Variants in MACROD2 observed in about 807,000 individuals in gnomAD.
MACROD2 encodes mono-ADP ribosylhydrolase 2.
In MACROD2, 36 loss-of-function variants were observed where a neutral mutation model predicts 70.4. The observed-to-expected ratio is 0.51, with a 90% CI of 0.39 to 0.68. The LOEUF (loss-of-function observed/expected upper bound fraction) is 0.68, where lower values mean the gene tolerates loss of function less well. Ranked by LOEUF, MACROD2 falls within the 30% of genes least tolerant of loss-of-function variation. The probability of loss-of-function intolerance (pLI) is 0.00; values close to 1 mark genes in which losing one functional copy is unlikely to be tolerated. For synonymous variants in MACROD2, 172 were observed against 178.8 expected, an observed-to-expected ratio of 0.96 and a Z score of 0.30; for missense variants, 496 against 538.4, an observed-to-expected ratio of 0.92 and a Z score of 0.78.
chr20:14,052,978 T>A (rs2053587594), intron 2 of MACROD2: 1 of 151,872 alleles, frequency 6.6e-6, no homozygotes, highest in African/African-American at 2.4e-5. Flanking sequence ...GTAAGTGAAA[T>A]GAAACCATAT....
rs1057332854 is a variant in MACROD2 at position 16,051,527 on chromosome 20, C to G, written c.*1651C>G. ...AAAATCAAGACATCAGCAAGAATGA[C>G]ATTTACGTGACCTCATAATGTGGGA... is the stretch of plus-strand genomic sequence containing the variant. On this transcript the variant is annotated 3_prime_UTR_variant, in exon 18 of 18. Transcript: ENST00000684519. 1 of 152,162 alleles carries G rather than the reference C, an allele frequency of 6.6e-6. No individual in the cohort carries two copies. Among genetic ancestry groups the G allele is most frequent in the Non-Finnish European group, 1.5e-5 (1 of 68,038 alleles). The allele number at this position is 152,162 out of a possible 1,614,324, so 9.4% of individuals were successfully genotyped here.
chr20:15,661,399 A>C (rs35604225), intron 8 of MACROD2, among the ~76,000 whole-genome samples: 2 of 152,212 alleles, frequency 1.3e-5, no homozygotes, highest in Admixed American at 6.5e-5. Flanking sequence ...GGAAGCAGGC[A>C]TATGAAAAGA....
chr20:15,344,741 A>T (rs2078146303), intron 6 of MACROD2, among the ~76,000 whole-genome samples: 1 of 152,162 alleles, frequency 6.6e-6, no homozygotes, highest in African/African-American at 2.4e-5. Context: ...GTGTTAATGG[A>T]TCCAAGATGT....
At chr20:14,959,608 A>G (rs1349267366) in intron 5 of MACROD2, among the ~76,000 whole-genome samples, 1 of 152,212 alleles carries the variant, frequency 6.6e-6, no homozygotes, top group Non-Finnish European at 1.5e-5. Context: ...TTGCAATGCC[A>G]TAAAGATGTA....
chr20:14,425,085 A>C (rs946906019), intron 3 of MACROD2, among the ~76,000 whole-genome samples: 1 of 152,178 alleles, frequency 6.6e-6, no homozygotes, highest in Admixed American at 6.5e-5. Flanking sequence ...ATTTATACCT[A>C]ATGTTTACCT....
At chr20:15,748,336 G>A (rs1174986280) in intron 8 of MACROD2, among the ~76,000 whole-genome samples, 1 of 151,476 alleles carries the variant, frequency 6.6e-6, no homozygotes, top group Admixed American at 6.6e-5. Flanking sequence ...AATCGCTCAA[G>A]AAATTTTCCT....
intron 9 of MACROD2, among the ~76,000 whole-genome samples, chr20:15,884,989 A>C (rs1465310456): frequency 6.6e-6 from 1 of 151,980 alleles, no homozygotes; most frequent in Non-Finnish European, 1.5e-5. Context: ...CTTTCTTATG[A>C]TCTAATCAAC....
chr20:15,667,269 C>T (rs1468029587), intron 8 of MACROD2, among the ~76,000 whole-genome samples: 1 of 152,100 alleles, frequency 6.6e-6, no homozygotes, highest in Non-Finnish European at 1.5e-5. Context: ...CTGCTTTCTC[C>T]ATATGATGTG....
intron 6 of MACROD2, among the ~76,000 whole-genome samples, chr20:15,354,272 T>C (rs1312005940): frequency 6.6e-6 from 1 of 151,980 alleles, no homozygotes; most frequent in Non-Finnish European, 1.5e-5. Flanking sequence ...ACACCACACG[T>C]TCTCACTCTT....
At position 14,926,544 on chromosome 20, in the gene MACROD2, G is replaced by A. The variant is rs142253581; in HGVS notation, c.418+241585G>A. Among the ~76,000 whole-genome samples the A allele has an allele frequency of 2.4e-4, 33 of 137,698 alleles. No individual in the cohort carries two copies. In the East Asian group the frequency reaches 2.5e-3, roughly 11 times the overall value. The allele number at this position is 137,698 out of a possible 152,430, so 90.3% of individuals were successfully genotyped here. On this transcript the variant is annotated intron_variant, in intron 5 of 17. Transcript: ENST00000684519. The stretch of plus-strand genomic sequence containing the variant: ...CAGCCTGGTGACAGAGCAAGACTCC[G>A]TCAAAAAAAAAAAAAGGAAGCATTA...
At chr20:14,182,319 T>G (rs2148731934) in intron 3 of MACROD2, among the ~76,000 whole-genome samples, 1 of 152,314 alleles carries the variant, frequency 6.6e-6, no homozygotes, top group East Asian at 1.9e-4. Flanking sequence ...CATTTTTTGT[T>G]GATTTATTTA....
intron 4 of MACROD2, among the ~76,000 whole-genome samples, chr20:14,662,448 A>C (rs1249342869): frequency 6.6e-6 from 1 of 151,716 alleles, no homozygotes; most frequent in African/African-American, 2.4e-5. Flanking sequence ...TATGACGAAG[A>C]CATCAAAAGC....
intron 6 of MACROD2, among the ~76,000 whole-genome samples, chr20:15,353,303 T>G (rs1454690658): frequency 6.6e-6 from 1 of 152,200 alleles, no homozygotes; most frequent in Non-Finnish European, 1.5e-5. Context: ...TAGCCATATG[T>G]AGAAAGCTGA....
chr20:15,195,251 A>G (rs894289269), intron 5 of MACROD2, among the ~76,000 whole-genome samples: 1 of 152,228 alleles, frequency 6.6e-6, no homozygotes, highest in African/African-American at 2.4e-5. Flanking sequence ...AAGTAAACTA[A>G]AGAGCTTCTG....
intron 3 of MACROD2, among the ~76,000 whole-genome samples, chr20:14,148,174 C>T (rs1418799359): frequency 6.6e-6 from 1 of 152,142 alleles, no homozygotes; most frequent in East Asian, 1.9e-4. Context: ...CTACCACTGA[C>T]TCATGTTTGA....
intron 5 of MACROD2, among the ~76,000 whole-genome samples, chr20:15,046,188 C>CAT (rs11467667): frequency 0.017 from 2,622 of 151,482 alleles, 71 homozygotes; most frequent in African/African-American, 0.058. Context: ...TTAAAAAATA[C>CAT]ATATATATAT....
intron 5 of MACROD2, among the ~76,000 whole-genome samples, chr20:15,085,101 C>T (rs1446434237): frequency 6.6e-6 from 1 of 152,112 alleles, no homozygotes; most frequent in African/African-American, 2.4e-5. Context: ...AGTAAATCCT[C>T]ACATAATGGT....
intron 8 of MACROD2, among the ~76,000 whole-genome samples, chr20:15,729,831 C>CTGTTTTTTTTTTTTTT (rs2050918554): frequency 7.7e-5 from 5 of 64,770 alleles, no homozygotes; most frequent in East Asian, 4.1e-4. Flanking sequence ...TTGGGTCATG[C>CTGTTTTTTTTTTTTTT]TTTTTTTTTT....
intron 8 of MACROD2, among the ~76,000 whole-genome samples, chr20:15,541,240 G>A (rs2047951431): frequency 6.6e-6 from 1 of 152,148 alleles, no homozygotes; most frequent in African/African-American, 2.4e-5. Flanking sequence ...ATAGAAACCA[G>A]CATCTCTCAA....
Sources: gnomAD v4.1 joint callset for allele counts (sites outside exome capture counted in the v4.1 genomes callset) on GRCh38, gnomAD v4.1.1 for gene constraint, MANE v1.5 for transcripts, NCBI Gene and HGNC (gene_info 2026-07-23, HGNC 2026-07-21) for gene names.